The following PDGFC variants were observed in gnomAD, a reference collection of about 807,000 sequenced individuals.
The protein encoded by PDGFC is platelet-derived growth factor C.
In PDGFC, 12 loss-of-function variants were observed where a neutral mutation model predicts 35.5. That is an observed-to-expected ratio of 0.34 (90% CI 0.22 to 0.55). The LOEUF (loss-of-function observed/expected upper bound fraction) is 0.55, where lower values mean the gene tolerates loss of function less well. Ranked by LOEUF, PDGFC falls within the 20% of genes least tolerant of loss-of-function variation. The pLI, the probability that PDGFC is intolerant of heterozygous loss-of-function variation, is 0.91. For missense variants in PDGFC, 322 were observed against 412.4 expected, an observed-to-expected ratio of 0.78 and a Z score of 1.90; for synonymous variants, 159 against 148.8, an observed-to-expected ratio of 1.07 and a Z score of -0.50.
chr4:156,872,720 C>T (rs1169077201), intron 1 of PDGFC, among the ~76,000 whole-genome samples: 1 of 152,182 alleles, frequency 6.6e-6, no homozygotes, highest in East Asian at 1.9e-4. Context: ...AATGACTTGA[C>T]CTTTGATAAG....
intron 1 of PDGFC, among the ~76,000 whole-genome samples, chr4:156,853,858 G>C (rs1459319145): frequency 6.6e-6 from 1 of 152,118 alleles, no homozygotes; most frequent in African/African-American, 2.4e-5. Flanking sequence ...AGCTACTTGG[G>C]AGGCTGAAGT....
At chr4:156,929,915 C>A (rs1279681690) in intron 1 of PDGFC, among the ~76,000 whole-genome samples, 1 of 152,020 alleles carries the variant, frequency 6.6e-6, no homozygotes, top group South Asian at 2.1e-4. Context: ...GCTCAAAGGC[C>A]CACACAAGTA....
At chr4:156,961,810 T>G (rs1732349744) in intron 1 of PDGFC, among the ~76,000 whole-genome samples, 1 of 152,124 alleles carries the variant, frequency 6.6e-6, no homozygotes, top group Non-Finnish European at 1.5e-5. Flanking sequence ...CCCAGCCTCA[T>G]TCTGCACGCC....
At chr4:156,966,454 T>G (rs1732468858) in intron 1 of PDGFC, among the ~76,000 whole-genome samples, 1 of 152,180 alleles carries the variant, frequency 6.6e-6, no homozygotes, top group African/African-American at 2.4e-5. Flanking sequence ...GAAACTTTTT[T>G]TTTTTACTAT....
At chr4:156,910,862 T>C (rs563807987) in intron 1 of PDGFC, among the ~76,000 whole-genome samples, 3 of 152,298 alleles carry the variant, frequency 2.0e-5, no homozygotes, top group South Asian at 4.1e-4. Flanking sequence ...TGTCTGTTCA[T>C]GTCTTTTATC....
intron 2 of PDGFC, among the ~76,000 whole-genome samples, chr4:156,811,589 C>A (rs1731933587): frequency 6.6e-6 from 1 of 152,106 alleles, no homozygotes; most frequent in African/African-American, 2.4e-5. Context: ...ACACATATTT[C>A]TAACTAACCA....
intron 2 of PDGFC, among the ~76,000 whole-genome samples, chr4:156,826,189 T>A (rs1732471982): frequency 8.7e-6 from 1 of 115,208 alleles, no homozygotes; most frequent in Non-Finnish European, 1.8e-5. Context: ...TTTTTTTTTT[T>A]TTTTTTTTTT....
At chr4:156,946,518 T>C (rs1731952418) in intron 1 of PDGFC, among the ~76,000 whole-genome samples, 2 of 152,074 alleles carry the variant, frequency 1.3e-5, no homozygotes, top group African/African-American at 4.8e-5. Flanking sequence ...TTAGAAATTA[T>C]ACAGGATTTT....
At chr4:156,925,660 A>T (rs1731391652) in intron 1 of PDGFC, among the ~76,000 whole-genome samples, 1 of 151,966 alleles carries the variant, frequency 6.6e-6, no homozygotes, top group African/African-American at 2.4e-5. Flanking sequence ...AACTCTAGAT[A>T]TAGATACATG....
At chr4:156,951,104 A>G (rs1179901803) in intron 1 of PDGFC, among the ~76,000 whole-genome samples, 1 of 151,920 alleles carries the variant, frequency 6.6e-6, no homozygotes, top group Non-Finnish European at 1.5e-5. Context: ...TAATGTTAAG[A>G]GTACCTACTG....
At chr4:156,849,211 A>C (rs931704434) in intron 2 of PDGFC, among the ~76,000 whole-genome samples, 1 of 152,040 alleles carries the variant, frequency 6.6e-6, no homozygotes, top group Non-Finnish European at 1.5e-5. Context: ...TTCTAAAGAT[A>C]ATCAGGGTAG....
chr4:156,937,678 G>A (rs567990349), intron 1 of PDGFC, among the ~76,000 whole-genome samples: 1 of 152,204 alleles, frequency 6.6e-6, no homozygotes, highest in South Asian at 2.1e-4. Context: ...CCTAACCTGG[G>A]CAACAAAACA....
chr4:156,857,519 G>A (rs1729611226), intron 1 of PDGFC, among the ~76,000 whole-genome samples: 1 of 152,012 alleles, frequency 6.6e-6, no homozygotes, highest in Admixed American at 6.6e-5. Context: ...AGAAGTACAG[G>A]AACTCAACCA....
chr4:156,945,553 T>C (rs1232186870), intron 1 of PDGFC, among the ~76,000 whole-genome samples: 3 of 151,446 alleles, frequency 2.0e-5, no homozygotes, highest in African/African-American at 7.3e-5. Context: ...GGGGGGCAAA[T>C]GAATTTGTGA....
intron 1 of PDGFC, among the ~76,000 whole-genome samples, chr4:156,889,560 A>G (rs1011944293): frequency 2.6e-5 from 4 of 152,336 alleles, no homozygotes; most frequent in South Asian, 4.1e-4. Flanking sequence ...CTTCATGTCT[A>G]TGATGACAAT....
At chr4:156,818,040 C>T (rs1732140872) in intron 2 of PDGFC, among the ~76,000 whole-genome samples, 1 of 144,212 alleles carries the variant, frequency 6.9e-6, no homozygotes, top group Non-Finnish European at 1.5e-5. Context: ...GCCTCGGAGA[C>T]AAGAGCAATA....
chr4:156,907,257 T>G (rs1474893554), intron 1 of PDGFC, among the ~76,000 whole-genome samples: 1 of 151,392 alleles, frequency 6.6e-6, no homozygotes, highest in Non-Finnish European at 1.5e-5. Flanking sequence ...AAACCACTGT[T>G]TTTATACATG....
At chr4:156,815,031 G>T (rs1732042339) in intron 2 of PDGFC, among the ~76,000 whole-genome samples, 2 of 152,058 alleles carry the variant, frequency 1.3e-5, no homozygotes, top group Admixed American at 6.6e-5. Context: ...CAAGTCTAGT[G>T]CATATATTTA....
intron 1 of PDGFC, among the ~76,000 whole-genome samples, chr4:156,904,852 A>C (rs1730876584): frequency 6.6e-6 from 1 of 152,154 alleles, no homozygotes; most frequent in African/African-American, 2.4e-5. Context: ...TCCCCACTGC[A>C]AAGTAAGGCT....
Sources: gnomAD v4.1 joint callset for allele counts (sites outside exome capture counted in the v4.1 genomes callset) on GRCh38, gnomAD v4.1.1 for gene constraint, MANE v1.5 for transcripts, NCBI Gene and HGNC (gene_info 2026-07-23, HGNC 2026-07-21) for gene names.